Variants in SACM1L observed in about 807,000 individuals in gnomAD.
SACM1L encodes SAC1 like phosphatidylinositide phosphatase, also known as phosphatidylinositol-3-phosphatase SAC1.
In SACM1L, 32 loss-of-function variants were observed where a neutral mutation model predicts 89.5. That is an observed-to-expected ratio of 0.36 (90% CI 0.27 to 0.48). The LOEUF is 0.48. Among genes scored for constraint, SACM1L ranks in the 20% least tolerant of loss-of-function variants. The pLI is 0.99. For synonymous variants in SACM1L, 213 were observed against 232.8 expected, an observed-to-expected ratio of 0.92 and a Z score of 0.77; for missense variants, 543 against 708.5, an observed-to-expected ratio of 0.77 and a Z score of 2.65.
chr3:45,730,158 G>A (rs1008488719), intron 11 of SACM1L, among the ~76,000 whole-genome samples: 4 of 151,732 alleles, frequency 2.6e-5, no homozygotes, highest in Non-Finnish European at 5.9e-5. Context: ...CACAGGAACA[G>A]TTTCTGTCAA....
At chr3:45,738,485 C>G (rs1012747196) in intron 16 of SACM1L, 93 bp from the exon 17 acceptor site, 1 of 700,346 alleles carries the variant, frequency 1.4e-6, no homozygotes, top group African/African-American at 1.8e-5. Context: ...ATCTGTCACT[C>G]ACTTATTTCT....
intron 1 of SACM1L, among the ~76,000 whole-genome samples, chr3:45,701,079 A>G (rs1338545963): frequency 6.6e-6 from 1 of 152,176 alleles, no homozygotes; most frequent in East Asian, 1.9e-4. Flanking sequence ...AGGTGACAAA[A>G]CTTTTAAAAA....
Position 45,703,433 on chromosome 3 carries a change from C to T in SACM1L, c.33-5C>T, listed in dbSNP as rs753237930. ...TAGTTATTTATGTTTTACATTTCTT[C>T]TTAGGCATATCACACCTGAAAAATT... On this transcript the variant is annotated splice_polypyrimidine_tract_variant and splice_region_variant and intron_variant, in intron 1 of 19. Transcript: ENST00000389061. 1.3e-6 allele frequency: 2 copies of T among 1,595,460 alleles called. No individual in the cohort carries two copies. Among genetic ancestry groups the T allele is most frequent in the South Asian group, 1.1e-5 (1 of 90,646 alleles).
intron 1 of SACM1L, among the ~76,000 whole-genome samples, chr3:45,692,316 GTTT>G (rs141224972): frequency 3.1e-4 from 46 of 148,572 alleles, no homozygotes; most frequent in African/African-American, 4.4e-4. Flanking sequence ...TTGAAAGAGA[GTTT>G]TTTTTTTTTT....
At chr3:45,739,001 G>A (rs1699261769) in intron 18 of SACM1L, 128 bp downstream of exon 18, 2 of 622,248 alleles carry the variant, frequency 3.2e-6, no homozygotes, top group African/African-American at 3.7e-5. Flanking sequence ...AAATACTTAA[G>A]TTTTCCAAAG....
At chr3:45,691,595 C>CTT (rs1217249223) in intron 1 of SACM1L, among the ~76,000 whole-genome samples, 2 of 113,394 alleles carry the variant, frequency 1.8e-5, no homozygotes, top group African/African-American at 6.5e-5. Context: ...TGTTGAAATG[C>CTT]TTGTTTTTTT....
intron 7 of SACM1L, 73 bp downstream of exon 7, chr3:45,714,152 GAT>G (rs1698588754): frequency 4.4e-6 from 4 of 911,858 alleles, no homozygotes; most frequent in South Asian, 4.2e-5. Flanking sequence ...CAGATTTAGA[GAT>G]AGTCTCAAAT....
intron 5 of SACM1L, among the ~76,000 whole-genome samples, chr3:45,711,498 C>T (rs970180364): frequency 3.7e-4 from 56 of 151,954 alleles, no homozygotes; most frequent in Admixed American, 6.6e-5. Flanking sequence ...TGTGGCGGCA[C>T]GCACCTGCAA....
intron 3 of SACM1L, 71 bp from the exon 4 acceptor site, chr3:45,706,709 A>G (rs1248537604): frequency 1.5e-6 from 2 of 1,323,994 alleles, no homozygotes; most frequent in East Asian, 2.4e-5. Context: ...AAGTTAAACA[A>G]TAAGGACTCC....
At chr3:45,697,269 CTTTT>C (rs869095037) in intron 1 of SACM1L, among the ~76,000 whole-genome samples, 9 of 92,090 alleles carry the variant, frequency 9.8e-5, no homozygotes, top group African/African-American at 3.0e-4. Context: ...TTTTCTTTTC[CTTTT>C]TTTTTTTTTT....
chr3:45,717,707 C>T (rs1024015338), intron 7 of SACM1L, among the ~76,000 whole-genome samples: 1 of 152,226 alleles, frequency 6.6e-6, no homozygotes, highest in Admixed American at 6.5e-5. Flanking sequence ...TAAAACCTTT[C>T]TGTCATACCC....
At chr3:45,713,258 C>T in intron 6 of SACM1L, 62 bp downstream of exon 6, 3 of 1,189,986 alleles carry the variant, frequency 2.5e-6, no homozygotes, top group South Asian at 1.3e-5. Flanking sequence ...TCAATGCATG[C>T]TATAAAGTGA....
intron 9 of SACM1L, among the ~76,000 whole-genome samples, chr3:45,722,607 T>C (rs1698813353): frequency 6.6e-6 from 1 of 152,216 alleles, no homozygotes; most frequent in Admixed American, 6.5e-5. Flanking sequence ...TTTTTACTCA[T>C]AGATAAATTT....
chr3:45,700,958 C>T (rs1698252553), intron 1 of SACM1L, among the ~76,000 whole-genome samples: 1 of 152,212 alleles, frequency 6.6e-6, no homozygotes, highest in African/African-American at 2.4e-5. Context: ...AGGCGTGAGC[C>T]ACCGCGCCCA....
At chr3:45,738,964 G>T (rs2125706851) in intron 18 of SACM1L, 91 bp downstream of exon 18, 2 of 756,374 alleles carry the variant, frequency 2.6e-6, no homozygotes, top group Non-Finnish European at 4.4e-6. Flanking sequence ...CGTTATATGT[G>T]GTTTTATATT....
chr3:45,743,779 C>A lies in SACM1L; in HGVS notation c.*110C>A. On this transcript the variant is annotated 3_prime_UTR_variant, in exon 20 of 20. Transcript: ENST00000389061. ...CCAAGGTCTTTTTAATGCCTTTATC[C>A]AAAAGCACATCTTGTGCTCCATGCA... 1.8e-6 allele frequency: 2 copies of A among 1,136,416 alleles called. No individual in the cohort carries two copies. The highest frequency in any genetic ancestry group is 2.5e-6 in the Non-Finnish European group (2 of 808,498). The allele number at this position is 1,136,416 out of a possible 1,614,324, so 70.4% of individuals were successfully genotyped here.
chr3:45,698,707 T>C (rs2673049), intron 1 of SACM1L, among the ~76,000 whole-genome samples: 60,672 of 151,638 alleles, frequency 0.4, 14,384 homozygotes, highest in Middle Eastern at 0.55. Flanking sequence ...CCTGCCACCA[T>C]GCCTGGCTAA....
intron 1 of SACM1L, among the ~76,000 whole-genome samples, chr3:45,698,246 T>G (rs1479855795): frequency 5.9e-5 from 9 of 152,208 alleles, no homozygotes; most frequent in Admixed American, 5.9e-4. Flanking sequence ...AGGGCATATA[T>G]GTAGGTGCCG....
chr3:45,717,585 T>C (rs1409951314), intron 7 of SACM1L, among the ~76,000 whole-genome samples: 1 of 152,238 alleles, frequency 6.6e-6, no homozygotes, highest in Non-Finnish European at 1.5e-5. Context: ...TATGCTGTTA[T>C]ACTTTATAAT....
Sources: allele counts gnomAD v4.1 joint callset (sites outside exome capture counted in the v4.1 genomes callset), GRCh38; gene constraint gnomAD v4.1.1; transcripts MANE v1.5; gene names NCBI Gene and HGNC (gene_info 2026-07-23, HGNC 2026-07-21).